The following PUS10 variants were observed in gnomAD, a reference collection of about 807,000 sequenced individuals.
The protein encoded by PUS10 is tRNA pseudouridine synthase Pus10.
In PUS10, 59 loss-of-function variants were observed where a neutral mutation model predicts 75.0. The observed-to-expected ratio is 0.79, with a 90% CI of 0.64 to 0.98. PUS10 has a LOEUF of 0.98. Among genes scored for constraint, PUS10 ranks in the 50% least tolerant of loss-of-function variants. PUS10 has a pLI of 0.00. For missense variants in PUS10, 650 were observed against 614.4 expected (o/e 1.06, Z -0.61); for synonymous variants, 219 against 211.6 (o/e 1.03, Z -0.30).
At chr2:61,014,098 G>T (rs1679811810) in intron 1 of PUS10, among the ~76,000 whole-genome samples, 1 of 152,014 alleles carries the variant, frequency 6.6e-6, no homozygotes, top group Non-Finnish European at 1.5e-5. Context: ...AAAAGGTCAG[G>T]CGCAGTGGCT....
chr2:60,948,603 A>C (rs2104164401), intron 15 of PUS10, among the ~76,000 whole-genome samples: 1 of 152,176 alleles, frequency 6.6e-6, no homozygotes, highest in South Asian at 2.1e-4. Context: ...GGTGAAGGAA[A>C]AGGGTTATAC....
chr2:60,980,264 C>T (rs1037468112), intron 4 of PUS10, among the ~76,000 whole-genome samples: 17 of 152,136 alleles, frequency 1.1e-4, no homozygotes, highest in South Asian at 4.1e-4. Context: ...TGTTGGCAGC[C>T]GGGTGTGGCT....
intron 3 of PUS10, among the ~76,000 whole-genome samples, chr2:61,006,951 CTT>C (rs943946465): frequency 3.9e-5 from 6 of 152,164 alleles, no homozygotes; most frequent in Non-Finnish European, 7.3e-5. Flanking sequence ...ATATAGCACT[CTT>C]GACAGAAAAA....
In PUS10 at chr2:60,965,240, T is replaced by G. The variant is rs878999787; in HGVS notation, c.678-137A>C. 5.0e-6 allele frequency: 5 copies of G among 1,006,312 alleles called. No homozygotes were observed. In the South Asian group the frequency reaches 6.9e-5, roughly 14 times the overall value. The allele number at this position is 1,006,312 out of a possible 1,614,324, so 62.3% of individuals were successfully genotyped here. A position where few individuals can be genotyped will look rare whatever the true frequency, so the allele number is the denominator to read the frequency against. On this transcript the variant is annotated intron_variant, in intron 7 of 17. Transcript: ENST00000316752. ...ACAAAATGAGTCCCTGTATGAGCTA[T>G]ATCGGTTTGCCCAGGAACTATGTTC... is the stretch of plus-strand genomic sequence containing the variant.
chr2:60,960,664 TG>T (rs890005597), intron 10 of PUS10, 147 bp from the exon 11 acceptor site: 3 of 600,354 alleles, frequency 5.0e-6, no homozygotes, highest in African/African-American at 2.0e-5. Context: ...CAATCCAATT[TG>T]GAGACCTGGG....
intron 15 of PUS10, among the ~76,000 whole-genome samples, chr2:60,949,672 C>A (rs192227379): frequency 7.9e-5 from 12 of 152,112 alleles, no homozygotes. Flanking sequence ...AATTTTTATG[C>A]CAACTGGAAA....
Position 60,960,378 on chromosome 2 carries a change from A to T in PUS10, c.1000+14T>A. On this transcript the variant is annotated intron_variant, in intron 11 of 17. Coordinates refer to ENST00000316752, the MANE Select transcript of PUS10 (RefSeq NM_144709.4). ...AAAAAAAAGAAAGAAAAGTATGAAG[A>T]TCGTAACACTTACTCTCTGCTTTAA... is the stretch of plus-strand genomic sequence containing the variant. The T allele has an allele frequency of 6.7e-7, 1 of 1,497,238 alleles. No homozygotes were observed. Among genetic ancestry groups the T allele is most frequent in the Non-Finnish European group, 8.8e-7 (1 of 1,132,296 alleles). The allele number at this position is 1,497,238 out of a possible 1,614,324, so 92.7% of individuals were successfully genotyped here. A position where few individuals can be genotyped will look rare whatever the true frequency, so the allele number is the denominator to read the frequency against.
At chr2:60,997,425 A>C (rs1678545414) in intron 4 of PUS10, among the ~76,000 whole-genome samples, 1 of 152,132 alleles carries the variant, frequency 6.6e-6, no homozygotes, top group Non-Finnish European at 1.5e-5. Context: ...CCTGGCTAAC[A>C]CAGTGAAACC....
At chr2:61,002,598 C>T (rs1678926417) in intron 4 of PUS10, among the ~76,000 whole-genome samples, 1 of 152,192 alleles carries the variant, frequency 6.6e-6, no homozygotes, top group Non-Finnish European at 1.5e-5. Flanking sequence ...CAGGTACCAC[C>T]ATGAGATCAC....
intron 17 of PUS10, among the ~76,000 whole-genome samples, chr2:60,943,679 G>C (rs1674757233): frequency 1.3e-5 from 2 of 151,714 alleles, no homozygotes; most frequent in African/African-American, 4.8e-5. Flanking sequence ...TTCTGTTTCA[G>C]AATATAGCCA....
At chr2:60,966,162 T>C (rs928934035) in intron 6 of PUS10, 1 of 152,162 alleles carries the variant, frequency 6.6e-6, no homozygotes, top group African/African-American at 2.4e-5. Flanking sequence ...CATGGAAATC[T>C]TTTCAACTCT....
rs190523156 is a variant in PUS10 at position 60,940,885 on chromosome 2, G to A, written c.*1510C>T. On this transcript the variant is annotated 3_prime_UTR_variant, in exon 18 of 18. Coordinates refer to ENST00000316752, the MANE Select transcript of PUS10 (RefSeq NM_144709.4). ...GACAAGAGTGAAAAAATTATTTGCT[G>A]TTATTTGCATATCAAACACATGGTT... 1 of 152,366 alleles carries A rather than the reference G, an allele frequency of 6.6e-6. No individual in the cohort carries two copies. The highest frequency in any genetic ancestry group is 2.4e-5 in the African/African-American group (1 of 41,562). The allele number at this position is 152,366 out of a possible 1,614,324, so 9.4% of individuals were successfully genotyped here.
At chr2:61,001,110 G>C (rs1678823716) in intron 4 of PUS10, among the ~76,000 whole-genome samples, 1 of 152,160 alleles carries the variant, frequency 6.6e-6, no homozygotes, top group South Asian at 2.1e-4. Context: ...TCTATATCAT[G>C]CATCAGCAGT....
chr2:60,945,096 C>T lies in PUS10; in HGVS notation c.1464G>A (p.Glu488=), dbSNP rs773874775. The change falls in exon 17 of 18, where the codon GAG becomes GAA. Residue 488 remains glutamate, a synonymous_variant. Coordinates refer to ENST00000316752, the MANE Select transcript of PUS10 (RefSeq NM_144709.4). ...LKTQAGTYIK[E]FVHGDFGRTK... ...TTCTCCCGAAGTCTCCATGTACAAA[C>T]TCTTTAATGTAGCTGGGGTTTGTTT... 6.2e-6 allele frequency: 10 copies of T among 1,612,654 alleles called. No individual in the cohort carries two copies. Among genetic ancestry groups the T allele is most frequent in the African/African-American group, 2.7e-5 (2 of 74,922 alleles).
intron 5 of PUS10, among the ~76,000 whole-genome samples, chr2:60,969,841 C>T (rs557823853): frequency 6.6e-6 from 1 of 152,202 alleles, no homozygotes; most frequent in African/African-American, 2.4e-5. Context: ...AATCCCAGCA[C>T]TTTGGGAGGC....
At chr2:60,987,815 A>C (rs1295763810) in intron 4 of PUS10, among the ~76,000 whole-genome samples, 1 of 151,980 alleles carries the variant, frequency 6.6e-6, no homozygotes, top group Admixed American at 6.6e-5. Flanking sequence ...CATAAGGCTG[A>C]GGTAGGAGAA....
chr2:60,976,254 A>C (rs1485691789), intron 4 of PUS10, among the ~76,000 whole-genome samples: 1 of 152,266 alleles, frequency 6.6e-6, no homozygotes, highest in East Asian at 1.9e-4. Context: ...ACAAATAATA[A>C]AATTCAGATT....
At chr2:61,009,097 T>G in intron 2 of PUS10, 82 bp from the exon 3 acceptor site, 1 of 1,275,536 alleles carries the variant, frequency 7.8e-7, no homozygotes, top group South Asian at 1.5e-5. Context: ...CAAGAAAACA[T>G]GAGTGAAAAT....
intron 16 of PUS10, among the ~76,000 whole-genome samples, chr2:60,947,830 A>T (rs1319329094): frequency 2.1e-5 from 3 of 141,794 alleles, no homozygotes; most frequent in African/African-American, 8.5e-5. Context: ...CTCTGCCTCA[A>T]AAAAAAAAAA....
Sources: gnomAD v4.1 joint callset for allele counts (sites outside exome capture counted in the v4.1 genomes callset) on GRCh38, gnomAD v4.1.1 for gene constraint, MANE v1.5 for transcripts, NCBI Gene and HGNC (gene_info 2026-07-23, HGNC 2026-07-21) for gene names.